Variants in ABHD17C observed in about 807,000 individuals in gnomAD.
ABHD17C encodes the protein alpha/beta hydrolase domain-containing protein 17C.
A neutral mutation model predicts 27.9 loss-of-function variants in ABHD17C; 11 were observed. That is an observed-to-expected ratio of 0.39 (90% confidence interval 0.25 to 0.65). ABHD17C has a LOEUF of 0.65. Ranked by LOEUF, ABHD17C falls within the 30% of genes least tolerant of loss-of-function variation. The pLI is 0.45. For synonymous variants in ABHD17C, 233 were observed against 209.1 expected, an observed-to-expected ratio of 1.11 and a Z score of -0.98; for missense variants, 280 against 470.2, an observed-to-expected ratio of 0.60 and a Z score of 3.74.
At chr15:80,746,086 C>T (rs1413390792) in intron 1 of ABHD17C, among the ~76,000 whole-genome samples, 2 of 152,238 alleles carry the variant, frequency 1.3e-5, no homozygotes, top group East Asian at 1.9e-4. Context: ...TTGTACACAT[C>T]CTTGCCAACA....
At chr15:80,698,868 A>G (rs577729450) in intron 1 of ABHD17C, among the ~76,000 whole-genome samples, 3 of 152,240 alleles carry the variant, frequency 2.0e-5, no homozygotes, top group African/African-American at 7.2e-5. Flanking sequence ...CTGCCCTCCT[A>G]GTTAACCACA....
intron 1 of ABHD17C, among the ~76,000 whole-genome samples, chr15:80,708,050 ACTGTCAGCGCAGCTCTTCATGCCC>A (rs1894672489): frequency 6.6e-6 from 1 of 152,126 alleles, no homozygotes; most frequent in Non-Finnish European, 1.5e-5. Flanking sequence ...GGCCCCGGGC[ACTGTCAGCGCAGCTCTTCATGCCC>A]CTGTCACTCT....
At chr15:80,732,820 G>C (rs1895075600) in intron 1 of ABHD17C, among the ~76,000 whole-genome samples, 1 of 152,218 alleles carries the variant, frequency 6.6e-6, no homozygotes, top group Non-Finnish European at 1.5e-5. Flanking sequence ...AGAGTGGGCA[G>C]TGCTGAGCCA....
intron 2 of ABHD17C, among the ~76,000 whole-genome samples, chr15:80,752,413 G>A (rs1039769304): frequency 1.3e-4 from 20 of 152,136 alleles, no homozygotes; most frequent in African/African-American, 4.8e-4. Flanking sequence ...ACAGTTGTTT[G>A]TAGATCTTTG....
At chr15:80,698,708 T>C (rs1424644444) in intron 1 of ABHD17C, among the ~76,000 whole-genome samples, 2 of 152,244 alleles carry the variant, frequency 1.3e-5, no homozygotes, top group African/African-American at 4.8e-5. Context: ...AGCAAGTTCT[T>C]ATGCTATTCT....
intron 1 of ABHD17C, among the ~76,000 whole-genome samples, chr15:80,746,779 G>A (rs1895292439): frequency 6.6e-6 from 1 of 152,164 alleles, no homozygotes; most frequent in African/African-American, 2.4e-5. Context: ...GTCGGTGCCT[G>A]TTCCTTCCTT....
Position 80,717,397 on chromosome 15 carries a change from AT to A in ABHD17C, c.590+21394del, listed in dbSNP as rs150538003. On this transcript the variant is annotated intron_variant, in intron 1 of 2. Coordinates refer to ENST00000258884, the MANE Select transcript of ABHD17C (RefSeq NM_021214.2). ...TCCACTCGTTATAAAATTACAACAA[AT>A]TTTTTTTTTTTTTTTGAGACAGACT... Among the ~76,000 whole-genome samples, 971 of 143,668 alleles carry A rather than the reference AT, an allele frequency of 6.8e-3. 2 individuals carry two copies. Among genetic ancestry groups the A allele is most frequent in the African/African-American group, 0.017 (657 of 39,178 alleles). The allele number at this position is 143,668 out of a possible 152,430, so 94.3% of individuals were successfully genotyped here.
At chr15:80,701,579 C>T (rs943631651) in intron 1 of ABHD17C, among the ~76,000 whole-genome samples, 1 of 150,828 alleles carries the variant, frequency 6.6e-6, no homozygotes, top group African/African-American at 2.4e-5. Context: ...CTCAAGAGGC[C>T]GAGGCATGAG....
Position 80,754,470 on chromosome 15 carries a change from G to T in ABHD17C, c.*100G>T, listed in dbSNP as rs1895408159. ...GCTGTAAAGGCTTGATAACCATGAA[G>T]AAGTGCCCAACCTTTAGGGTGTTCT... On this transcript the variant is annotated 3_prime_UTR_variant, in exon 3 of 3. Transcript: ENST00000258884. The T allele has an allele frequency of 3.0e-6, 3 of 996,730 alleles. No individual in the cohort carries two copies. Among genetic ancestry groups the T allele is most frequent in the Non-Finnish European group, 4.4e-6 (3 of 684,978 alleles). 61.7% of individuals were successfully genotyped at this position (996,730 alleles called of 1,614,324 possible).
intron 1 of ABHD17C, among the ~76,000 whole-genome samples, chr15:80,728,039 C>T (rs891911508): frequency 2.0e-5 from 3 of 152,142 alleles, no homozygotes; most frequent in Admixed American, 1.3e-4. Context: ...TGCCTAAGAG[C>T]GTTGTGGTCT....
intron 1 of ABHD17C, among the ~76,000 whole-genome samples, chr15:80,748,171 T>C (rs1895315753): frequency 6.6e-6 from 1 of 152,216 alleles, no homozygotes; most frequent in South Asian, 2.1e-4. Context: ...CCATGGAGTT[T>C]CGTGGAGCTT....
chr15:80,707,434 G>A (rs750058542), intron 1 of ABHD17C, among the ~76,000 whole-genome samples: 42 of 152,138 alleles, frequency 2.8e-4, no homozygotes, highest in Non-Finnish European at 4.9e-4. Context: ...GGCACCAGAA[G>A]TAATTGTTTT....
intron 1 of ABHD17C, among the ~76,000 whole-genome samples, chr15:80,724,761 CCTCCTT>C (rs1567034769): frequency 6.6e-6 from 1 of 152,102 alleles, no homozygotes; most frequent in East Asian, 1.9e-4. Context: ...TCCCCCTCCT[CCTCCTT>C]CTCCTTCTCC....
rs375995489 is a variant in ABHD17C, at chr15:80,749,579, C to T, written c.657C>T (p.Asp219=). The change falls in exon 2 of 3, where the codon GAC becomes GAT. Residue 219 remains aspartate (D), a synonymous_variant. Transcript: ENST00000258884. ...GCATTGGGACTGTCCCCACGGTAGACTTGGCCTCGAGGTATGAATGCGCAG... is the reference window on the plus strand; with the variant it reads ...GCATTGGGACTGTCCCCACGGTAGATTTGGCCTCGAGGTATGAATGCGCAG... ...GQSIGTVPTV[D]LASRYECAAV... 2.5e-6 allele frequency: 4 copies of T among 1,613,926 alleles called. No individual in the cohort carries two copies. The highest frequency in any genetic ancestry group is 3.4e-6 in the Non-Finnish European group (4 of 1,179,874).
At chr15:80,713,354 C>CTTTTTTTTTTTTTTTTTTTTTTTT (rs67320992) in intron 1 of ABHD17C, among the ~76,000 whole-genome samples, 1 of 43,842 alleles carries the variant, frequency 2.3e-5, no homozygotes, top group African/African-American at 1.0e-4. Context: ...AGGTCTTGTT[C>CTTTTTTTTTTTTTTTTTTTTTTTT]TTTTTTTTTT....
intron 1 of ABHD17C, among the ~76,000 whole-genome samples, chr15:80,712,174 C>G (rs985995161): frequency 6.6e-6 from 1 of 152,196 alleles, no homozygotes. Context: ...AATGTGATCT[C>G]CTTGAGGACA....
intron 2 of ABHD17C, among the ~76,000 whole-genome samples, chr15:80,751,006 G>A (rs1025060538): frequency 2.6e-5 from 4 of 151,634 alleles, no homozygotes; most frequent in Non-Finnish European, 5.9e-5. Context: ...GGCAGGTATC[G>A]GGCTATGCAT....
At chr15:80,731,672 C>A (rs1021708514) in intron 1 of ABHD17C, among the ~76,000 whole-genome samples, 11 of 148,602 alleles carry the variant, frequency 7.4e-5, no homozygotes, top group Admixed American at 7.3e-4. Flanking sequence ...TTTTTTTTTG[C>A]AAATTGTTAA....
chr15:80,749,624 T>A lies in ABHD17C; in HGVS notation c.702T>A (p.Pro234=). ...GCGCAGCGGTAATTCTCCATTCCCC[T>A]CTGATGTCTGGTTTGCGTGTGGCTT... ...YECAAVILHS[P]LMSGLRVAFP... The change falls in exon 2 of 3, where the codon CCT becomes CCA. Residue 234 remains proline, a synonymous_variant. Transcript: ENST00000258884. 1 of 1,614,004 alleles carries A rather than the reference T, an allele frequency of 6.2e-7. No homozygotes were observed. Among genetic ancestry groups the A allele is most frequent in the Non-Finnish European group, 8.5e-7 (1 of 1,179,866 alleles).
Sources: allele counts gnomAD v4.1 joint callset (sites outside exome capture counted in the v4.1 genomes callset), GRCh38; gene constraint gnomAD v4.1.1; transcripts MANE v1.5; gene names NCBI Gene and HGNC (gene_info 2026-07-23, HGNC 2026-07-21).